BTBD9: variants seen among roughly 807,000 people sequenced by gnomAD.
The protein encoded by BTBD9 is BTB domain containing 9.
A neutral mutation model predicts 64.3 loss-of-function variants in BTBD9; 49 were observed. The observed-to-expected ratio is 0.76, with a 90% CI of 0.61 to 0.97. The LOEUF (loss-of-function observed/expected upper bound fraction) is 0.97, where lower values mean the gene tolerates loss of function less well. BTBD9 is among the 50% of genes least tolerant of loss of function. The pLI is 0.00. For missense variants in BTBD9, 598 were observed against 762.1 expected, an observed-to-expected ratio of 0.78 and a Z score of 2.53; for synonymous variants, 260 against 274.7, an observed-to-expected ratio of 0.95 and a Z score of 0.53.
At chr6:38,437,085 TAATTAATACA>T (rs1768777312) in intron 6 of BTBD9, among the ~76,000 whole-genome samples, 1 of 152,206 alleles carries the variant, frequency 6.6e-6, no homozygotes. Context: ...ATTAAGCATC[TAATTAATACA>T]AATTACAATA....
intron 9 of BTBD9, among the ~76,000 whole-genome samples, chr6:38,193,594 T>A (rs943914048): frequency 6.6e-6 from 1 of 152,306 alleles, no homozygotes; most frequent in Admixed American, 6.5e-5. Flanking sequence ...CTGCTCTTGG[T>A]TGAACGCTCA....
intron 10 of BTBD9, among the ~76,000 whole-genome samples, chr6:38,185,313 GGAA>G (rs891097766): frequency 2.6e-5 from 4 of 152,214 alleles, no homozygotes; most frequent in African/African-American, 9.6e-5. Context: ...ATCCCCTTAA[GGAA>G]GGGTCCTGCC....
intron 8 of BTBD9, among the ~76,000 whole-genome samples, chr6:38,276,204 A>G (rs1265044975): frequency 6.6e-6 from 1 of 152,206 alleles, no homozygotes; most frequent in Non-Finnish European, 1.5e-5. Flanking sequence ...TTGTAGGGAC[A>G]TGGATGAAAT....
chr6:38,479,503 A>T (rs895435443), intron 6 of BTBD9, among the ~76,000 whole-genome samples: 4 of 152,188 alleles, frequency 2.6e-5, no homozygotes, highest in African/African-American at 9.7e-5. Context: ...AGAAAAAAAA[A>T]ATCCCATTTC....
rs376389743 is a variant in BTBD9 at position 38,465,252 on chromosome 6, G to A, written c.1154+112348C>T. ...TGATGCTGCAGTGAGCCTTCATTGC[G>A]CTACTGTGCTCCAGCCTGGGCAACA... On this transcript the variant is annotated intron_variant, in intron 6 of 10. Transcript: ENST00000481247. Among the ~76,000 whole-genome samples the A allele has an allele frequency of 4.0e-5, 6 of 151,622 alleles. 1 individual carries two copies. The highest frequency in any genetic ancestry group is 6.3e-3 in the Middle Eastern group (2 of 316).
At chr6:38,310,140 G>A (rs1388355802) in intron 7 of BTBD9, among the ~76,000 whole-genome samples, 3 of 152,166 alleles carry the variant, frequency 2.0e-5, no homozygotes, top group Non-Finnish European at 2.9e-5. Flanking sequence ...AACACACCAG[G>A]GGGAAAAGTG....
intron 9 of BTBD9, among the ~76,000 whole-genome samples, chr6:38,223,002 G>A (rs1370921068): frequency 6.6e-6 from 1 of 152,172 alleles, no homozygotes; most frequent in African/African-American, 2.4e-5. Flanking sequence ...CACCTCCCGG[G>A]TTCAAGCAAT....
intron 6 of BTBD9, among the ~76,000 whole-genome samples, chr6:38,406,192 A>G (rs192787900): frequency 3.3e-4 from 50 of 152,344 alleles, no homozygotes; most frequent in Non-Finnish European, 6.8e-4. Flanking sequence ...GCACCTTCTT[A>G]TAAATCTTTG....
intron 9 of BTBD9, among the ~76,000 whole-genome samples, chr6:38,240,513 A>C (rs1387628427): frequency 6.6e-6 from 1 of 152,254 alleles, no homozygotes; most frequent in African/African-American, 2.4e-5. Context: ...AAATGATTCA[A>C]TAGTATTTGA....
intron 10 of BTBD9, among the ~76,000 whole-genome samples, chr6:38,188,981 T>C (rs572855967): frequency 1.2e-4 from 19 of 152,204 alleles, no homozygotes; most frequent in African/African-American, 4.6e-4. Flanking sequence ...GAAATCAATG[T>C]GTTACTTTAG....
At chr6:38,191,239 A>G (rs1410502805) in intron 10 of BTBD9, among the ~76,000 whole-genome samples, 1 of 152,252 alleles carries the variant, frequency 6.6e-6, no homozygotes, top group Non-Finnish European at 1.5e-5. Flanking sequence ...TATTCTAAAT[A>G]AATAAAAAGC....
intron 9 of BTBD9, among the ~76,000 whole-genome samples, chr6:38,248,811 G>C (rs1390205999): frequency 6.6e-6 from 1 of 152,174 alleles, no homozygotes; most frequent in African/African-American, 2.4e-5. Context: ...AATTGGAGAG[G>C]ACATTAGTAA....
At chr6:38,253,870 A>G (rs528014311) in intron 9 of BTBD9, among the ~76,000 whole-genome samples, 1 of 151,850 alleles carries the variant, frequency 6.6e-6, no homozygotes, top group South Asian at 2.1e-4. Flanking sequence ...AATATGGTAT[A>G]GTGGCAAGAA....
chr6:38,174,769 T>C lies in BTBD9; in HGVS notation c.*216A>G, dbSNP rs1464740384. On this transcript the variant is annotated 3_prime_UTR_variant, in exon 11 of 11. Transcript: ENST00000481247. ...AGATTGAAGACCCATTTTCTCCCCCTTGAGACCTGCCTGATTTGGATAAAT... is the reference window on the plus strand; with the variant it reads ...AGATTGAAGACCCATTTTCTCCCCCCTGAGACCTGCCTGATTTGGATAAAT... 1.0e-5 allele frequency: 6 copies of C among 585,336 alleles called. No individual in the cohort carries two copies. The highest frequency in any genetic ancestry group is 7.4e-5 in the African/African-American group (4 of 53,836). 36.3% of individuals were successfully genotyped at this position (585,336 alleles called of 1,614,324 possible).
intron 10 of BTBD9, among the ~76,000 whole-genome samples, chr6:38,188,225 A>C (rs1761904168): frequency 6.6e-6 from 1 of 152,194 alleles, no homozygotes; most frequent in Admixed American, 6.5e-5. Flanking sequence ...TTGCAGAGCT[A>C]TCAACCCACT....
At chr6:38,521,640 T>C (rs1274590313) in intron 6 of BTBD9, among the ~76,000 whole-genome samples, 1 of 152,130 alleles carries the variant, frequency 6.6e-6, no homozygotes, top group African/African-American at 2.4e-5. Flanking sequence ...ATTTAACTCC[T>C]CAGGCACTAT....
At chr6:38,610,589 T>C (rs779026563) in intron 1 of BTBD9, among the ~76,000 whole-genome samples, 10 of 152,130 alleles carry the variant, frequency 6.6e-5, no homozygotes, top group Non-Finnish European at 1.3e-4. Context: ...AATGTCTTCA[T>C]AGGAACAAAG....
chr6:38,332,108 T>C (rs1763698287), intron 7 of BTBD9, among the ~76,000 whole-genome samples: 1 of 152,228 alleles, frequency 6.6e-6, no homozygotes, highest in Non-Finnish European at 1.5e-5. Context: ...ATACATTTTC[T>C]GTAAGGGAAT....
At chr6:38,318,765 C>T (rs539341710) in intron 7 of BTBD9, among the ~76,000 whole-genome samples, 1 of 152,304 alleles carries the variant, frequency 6.6e-6, no homozygotes, top group Non-Finnish European at 1.5e-5. Flanking sequence ...GTAACCACTA[C>T]CTAGCTACCA....
Sources: gnomAD v4.1 joint callset for allele counts (sites outside exome capture counted in the v4.1 genomes callset) on GRCh38, gnomAD v4.1.1 for gene constraint, MANE v1.5 for transcripts, NCBI Gene and HGNC (gene_info 2026-07-23, HGNC 2026-07-21) for gene names.